Variants in DPYD observed in about 807,000 individuals in gnomAD.
The protein encoded by DPYD is dihydropyrimidine dehydrogenase [NADP(+)].
A neutral mutation model predicts 116.2 loss-of-function variants in DPYD; 109 were observed. That is an observed-to-expected ratio of 0.94 (90% CI 0.80 to 1.10). The LOEUF (loss-of-function observed/expected upper bound fraction) is 1.10. Among genes scored for constraint, DPYD ranks in the 50% least tolerant of loss-of-function variants. The probability of loss-of-function intolerance (pLI) is 0.00; values close to 1 mark genes in which losing one functional copy is unlikely to be tolerated. For missense variants in DPYD, 1,302 were observed against 1,254.5 expected (o/e 1.04, Z -0.57); for synonymous variants, 440 against 432.0 (o/e 1.02, Z -0.23).
intron 1 of DPYD, among the ~76,000 whole-genome samples, chr1:97,900,964 T>C (rs1673339047): frequency 6.6e-6 from 1 of 151,898 alleles, no homozygotes; most frequent in African/African-American, 2.4e-5. Flanking sequence ...TAAGACAGTT[T>C]AGCAACTTTT....
rs149569815 is a variant in DPYD, at chr1:97,343,588, T to C, written c.2058+29973A>G. Among the ~76,000 whole-genome samples the C allele has an allele frequency of 4.0e-3, 608 of 152,168 alleles. 6 individuals carry two copies. Among genetic ancestry groups the C allele is most frequent in the African/African-American group, 0.014 (583 of 41,538 alleles). Reference sequence around the variant, plus strand: ...AGCAAAATAATGTTTCTCATAACTGTAAAAAGTGGTATGTAGCATGATTAA... The same window carrying C: ...AGCAAAATAATGTTTCTCATAACTGCAAAAAGTGGTATGTAGCATGATTAA... On this transcript the variant is annotated intron_variant, in intron 16 of 22. Transcript: ENST00000370192.
intron 16 of DPYD, among the ~76,000 whole-genome samples, chr1:97,339,069 T>TAA (rs574734299): frequency 2.8e-5 from 4 of 143,430 alleles, no homozygotes; most frequent in African/African-American, 1.0e-4. Context: ...AGAGAGGAGG[T>TAA]AAAAAAAAAA....
At chr1:97,375,788 T>C (rs1671576936) in intron 15 of DPYD, among the ~76,000 whole-genome samples, 1 of 152,234 alleles carries the variant, frequency 6.6e-6, no homozygotes, top group African/African-American at 2.4e-5. Flanking sequence ...ATAGTGCAAG[T>C]ATACACTTAT....
At chr1:97,567,238 AGAATGTTT>A (rs1296659248) in intron 11 of DPYD, among the ~76,000 whole-genome samples, 23 of 152,138 alleles carry the variant, frequency 1.5e-4, no homozygotes, top group African/African-American at 5.1e-4. Flanking sequence ...TGCTATTGAC[AGAATGTTT>A]GATTTACCCC....
intron 20 of DPYD, among the ~76,000 whole-genome samples, chr1:97,106,938 T>C (rs1651205712): frequency 6.6e-6 from 1 of 152,100 alleles, no homozygotes; most frequent in South Asian, 2.1e-4. Context: ...ATATAACCTA[T>C]TAGTTATGTA....
At chr1:97,840,960 A>C (rs1237204117) in intron 2 of DPYD, among the ~76,000 whole-genome samples, 1 of 152,090 alleles carries the variant, frequency 6.6e-6, no homozygotes, top group Non-Finnish European at 1.5e-5. Context: ...TAGGTGTAAG[A>C]ATTTTTCTCC....
intron 2 of DPYD, among the ~76,000 whole-genome samples, chr1:97,845,049 C>A (rs943649711): frequency 1.3e-5 from 2 of 152,294 alleles, no homozygotes; most frequent in East Asian, 3.9e-4. Context: ...CTGAGGGGTG[C>A]TCAGCATGGG....
chr1:97,387,344 T>G (rs1344795217), intron 14 of DPYD, among the ~76,000 whole-genome samples: 2 of 152,098 alleles, frequency 1.3e-5, no homozygotes, highest in Non-Finnish European at 2.9e-5. Context: ...AGCATTTTCG[T>G]GTATTCAACT....
At chr1:97,718,443 T>C (rs1662737612) in intron 5 of DPYD, among the ~76,000 whole-genome samples, 1 of 151,948 alleles carries the variant, frequency 6.6e-6, no homozygotes, top group Non-Finnish European at 1.5e-5. Flanking sequence ...TTCACAGATA[T>C]CAGAAAAATC....
At chr1:97,130,297 G>A (rs1049756723) in intron 20 of DPYD, among the ~76,000 whole-genome samples, 1 of 152,146 alleles carries the variant, frequency 6.6e-6, no homozygotes, top group Non-Finnish European at 1.5e-5. Flanking sequence ...GGAACCTGTT[G>A]TTGCATTTGT....
At chr1:97,538,477 T>G (rs758364106) in intron 12 of DPYD, among the ~76,000 whole-genome samples, 43 of 152,216 alleles carry the variant, frequency 2.8e-4, no homozygotes, top group Admixed American at 1.8e-3. Context: ...TCCCCTGAGA[T>G]ACTTAGTTCC....
intron 3 of DPYD, among the ~76,000 whole-genome samples, chr1:97,807,019 T>G (rs1668108762): frequency 6.6e-6 from 1 of 152,050 alleles, no homozygotes; most frequent in East Asian, 1.9e-4. Flanking sequence ...CTAAATAATA[T>G]TCCTTTGTCT....
intron 21 of DPYD, 134 bp from the exon 22 acceptor site, chr1:97,082,604 C>T: frequency 9.5e-7 from 1 of 1,051,944 alleles, no homozygotes; most frequent in East Asian, 2.5e-5. Context: ...TAGTATAATT[C>T]TCATAGATAA....
intron 18 of DPYD, among the ~76,000 whole-genome samples, chr1:97,266,776 G>A (rs1037930328): frequency 3.9e-5 from 6 of 151,982 alleles, no homozygotes; most frequent in African/African-American, 1.4e-4. Context: ...GAGAACATGG[G>A]GTGTTTGGTT....
chr1:97,567,322 C>CT (rs112076507), intron 11 of DPYD, among the ~76,000 whole-genome samples: 19,534 of 147,844 alleles, frequency 0.13, 1,341 homozygotes, highest in Middle Eastern at 0.18. Context: ...ATTTAAAAAC[C>CT]TTTTTTTTTT....
intron 14 of DPYD, among the ~76,000 whole-genome samples, chr1:97,382,982 T>C (rs935886481): frequency 6.6e-6 from 1 of 152,160 alleles, no homozygotes. Flanking sequence ...TTAAATTTTA[T>C]TATGTATTGA....
At chr1:97,642,798 C>G (rs538055755) in intron 8 of DPYD, among the ~76,000 whole-genome samples, 17 of 150,574 alleles carry the variant, frequency 1.1e-4, no homozygotes, top group Non-Finnish European at 2.4e-4. Context: ...GAGTTAATGG[C>G]TGCAGCACAC....
At chr1:97,758,252 G>A (rs1665366777) in intron 3 of DPYD, among the ~76,000 whole-genome samples, 1 of 151,746 alleles carries the variant, frequency 6.6e-6, no homozygotes, top group African/African-American at 2.4e-5. Flanking sequence ...TTTTAGCTAT[G>A]AGCAATGGGT....
chr1:97,283,895 A>G (rs1665491525), intron 18 of DPYD, among the ~76,000 whole-genome samples: 1 of 152,130 alleles, frequency 6.6e-6, no homozygotes, highest in Non-Finnish European at 1.5e-5. Flanking sequence ...GACCTCAAGT[A>G]CCAATGGACC....
Sources: gnomAD v4.1 joint callset for allele counts (sites outside exome capture counted in the v4.1 genomes callset) on GRCh38, gnomAD v4.1.1 for gene constraint, MANE v1.5 for transcripts, NCBI Gene and HGNC (gene_info 2026-07-23, HGNC 2026-07-21) for gene names.